Variants in TFG observed in about 807,000 individuals in gnomAD.
TFG encodes protein TFG.
A neutral mutation model predicts 51.4 loss-of-function variants in TFG; 22 were observed. That is an observed-to-expected ratio of 0.43 (90% confidence interval 0.31 to 0.61). The LOEUF (loss-of-function observed/expected upper bound fraction) is 0.61, where lower values mean the gene tolerates loss of function less well. Among genes scored for constraint, TFG ranks in the 20% least tolerant of loss-of-function variants. The pLI, the probability that TFG is intolerant of heterozygous loss-of-function variation, is 0.12. For synonymous variants in TFG, 187 were observed against 165.6 expected, an observed-to-expected ratio of 1.13 and a Z score of -0.99; for missense variants, 419 against 487.7, an observed-to-expected ratio of 0.86 and a Z score of 1.33.
intron 6 of TFG, chr3:100,743,908 T>C (rs2095128272): frequency 6.6e-6 from 1 of 152,144 alleles, no homozygotes; most frequent in Non-Finnish European, 1.5e-5. Context: ...ATGTGATTAT[T>C]TTAAAGATTT....
At chr3:100,712,605 CTTTA>C (rs1232499493) in intron 1 of TFG, among the ~76,000 whole-genome samples, 1 of 152,148 alleles carries the variant, frequency 6.6e-6, no homozygotes, top group Non-Finnish European at 1.5e-5. Context: ...TTATTTTTCC[CTTTA>C]TTTAATAGCT....
intron 2 of TFG, among the ~76,000 whole-genome samples, chr3:100,718,992 A>G (rs2095053868): frequency 6.6e-6 from 1 of 152,206 alleles, no homozygotes; most frequent in African/African-American, 2.4e-5. Flanking sequence ...AAAGAACAGG[A>G]AGTTTTCTTC....
intron 4 of TFG, 35 bp from the exon 5 acceptor site, chr3:100,732,473 G>A (rs1306093567): frequency 1.3e-6 from 2 of 1,544,528 alleles, no homozygotes; most frequent in Non-Finnish European, 1.8e-6. Flanking sequence ...AGATAAAAAG[G>A]AAACAAGTTT....
intron 2 of TFG, 43 bp downstream of exon 2, chr3:100,713,912 A>G (rs766495385): frequency 1.6e-6 from 2 of 1,262,806 alleles, no homozygotes; most frequent in Non-Finnish European, 2.1e-6. Flanking sequence ...CTTTTTAAAA[A>G]AAAAAAAAAA....
intron 1 of TFG, 42 bp from the exon 2 acceptor site, chr3:100,713,601 C>G (rs952706774): frequency 1.0e-6 from 1 of 954,052 alleles, no homozygotes; most frequent in Non-Finnish European, 1.5e-6. Context: ...TCAACTTTTA[C>G]GGTATGTTTT....
At chr3:100,746,193 A>G (rs1218806760) in intron 7 of TFG, among the ~76,000 whole-genome samples, 1 of 152,218 alleles carries the variant, frequency 6.6e-6, no homozygotes, top group East Asian at 1.9e-4. Flanking sequence ...AGAATAGCAG[A>G]GCTGAAGAGA....
At chr3:100,713,605 ATGTTTTGT>A in intron 1 of TFG, 30 bp from the exon 2 acceptor site, 1 of 1,004,782 alleles carries the variant, frequency 1.0e-6, no homozygotes, top group Non-Finnish European at 1.4e-6. Flanking sequence ...CTTTTACGGT[ATGTTTTGT>A]TGTTTAATTA....
intron 7 of TFG, among the ~76,000 whole-genome samples, chr3:100,747,084 A>G (rs1333981805): frequency 6.6e-6 from 1 of 152,186 alleles, no homozygotes; most frequent in Non-Finnish European, 1.5e-5. Context: ...TCAAATTATT[A>G]TCTTTGTATT....
At chr3:100,721,059 AT>A (rs1194767935) in intron 3 of TFG, among the ~76,000 whole-genome samples, 5 of 152,212 alleles carry the variant, frequency 3.3e-5, no homozygotes, top group Non-Finnish European at 5.9e-5. Context: ...AATAATCAGA[AT>A]TTAAATGTTA....
intron 6 of TFG, among the ~76,000 whole-genome samples, chr3:100,740,322 G>T (rs1030957613): frequency 2.6e-5 from 4 of 152,278 alleles, no homozygotes; most frequent in Non-Finnish European, 5.9e-5. Context: ...GGCTGCTGGG[G>T]TTATAGTCAT....
At position 100,728,865 on chromosome 3, in the gene TFG, C is replaced by G. The variant is rs149927288; in HGVS notation, c.415+7C>G. The G allele has an allele frequency of 2.0e-4, 318 of 1,596,198 alleles. 2 individuals carry two copies. The African/African-American group carries it at 3.9e-3, about 19-fold the overall frequency. On this transcript the variant is annotated splice_region_variant and intron_variant, in intron 4 of 7. Transcript: ENST00000240851. ...ACCAATATTCCTGAAAATGGTAAACCCTGAATCCATTGTATTCTGACTTAT... is the reference window on the plus strand; with the variant it reads ...ACCAATATTCCTGAAAATGGTAAACGCTGAATCCATTGTATTCTGACTTAT...
chr3:100,747,836 T>C (rs1174463709), intron 7 of TFG, among the ~76,000 whole-genome samples: 1 of 152,236 alleles, frequency 6.6e-6, no homozygotes, highest in Non-Finnish European at 1.5e-5. Flanking sequence ...ACTATTTAGC[T>C]TTCCCATTTT....
intron 5 of TFG, 111 bp from the exon 6 acceptor site, chr3:100,736,465 A>T: frequency 8.4e-7 from 1 of 1,194,150 alleles, no homozygotes; most frequent in Admixed American, 2.4e-5. Context: ...ATTTGTGGTT[A>T]TATACTTATT....
intron 3 of TFG, among the ~76,000 whole-genome samples, chr3:100,728,142 AT>A (rs1372597585): frequency 6.6e-6 from 1 of 151,708 alleles, no homozygotes; most frequent in East Asian, 1.9e-4. Flanking sequence ...CCCTGCATAT[AT>A]TTTTTTAACG....
intron 6 of TFG, chr3:100,743,005 G>A (rs2095125468): frequency 6.6e-6 from 1 of 152,110 alleles, no homozygotes; most frequent in Admixed American, 6.5e-5. Context: ...CTACTACGTG[G>A]AACCTTAATC....
chr3:100,721,117 C>T (rs1468086097), intron 3 of TFG, among the ~76,000 whole-genome samples: 25 of 152,112 alleles, frequency 1.6e-4, no homozygotes, highest in Non-Finnish European at 1.0e-4. Flanking sequence ...TATCTTTTTA[C>T]AGTATTGAAT....
intron 3 of TFG, among the ~76,000 whole-genome samples, chr3:100,726,746 G>C (rs1162520488): frequency 6.6e-6 from 1 of 152,144 alleles, no homozygotes; most frequent in Non-Finnish European, 1.5e-5. Flanking sequence ...AGAACAATAG[G>C]ATGTCTTACA....
At chr3:100,712,907 G>A (rs1229610401) in intron 1 of TFG, among the ~76,000 whole-genome samples, 1 of 152,206 alleles carries the variant, frequency 6.6e-6, no homozygotes, top group African/African-American at 2.4e-5. Context: ...AAAACTTGAA[G>A]TATGGGAATA....
At chr3:100,733,773 T>C (rs75776618) in intron 5 of TFG, among the ~76,000 whole-genome samples, 1 of 152,184 alleles carries the variant, frequency 6.6e-6, no homozygotes, top group Non-Finnish European at 1.5e-5. Context: ...AGCAGGGAGT[T>C]GATTTGTATG....
Sources: gnomAD v4.1 joint callset for allele counts (sites outside exome capture counted in the v4.1 genomes callset) on GRCh38, gnomAD v4.1.1 for gene constraint, MANE v1.5 for transcripts, NCBI Gene and HGNC (gene_info 2026-07-23, HGNC 2026-07-21) for gene names.